Variants in REDIC1 observed in about 807,000 individuals in gnomAD.
REDIC1 encodes the protein regulator of DNA class I crossover intermediates 1.
chr12:39,769,727 A>G, the REDIC1 span, among the ~76,000 whole-genome samples: 1 of 151,866 alleles, frequency 6.6e-6, no homozygotes, highest in Non-Finnish European at 1.5e-5. Context: ...TCTGTCTACA[A>G]TACACAAGAT....
the REDIC1 span, among the ~76,000 whole-genome samples, chr12:39,896,001 T>C: frequency 1.5e-5 from 2 of 134,024 alleles, no homozygotes; most frequent in African/African-American, 2.9e-5. Flanking sequence ...TATATGTGTA[T>C]ATATACATGT....
chr12:39,692,422 C>G, the REDIC1 span, among the ~76,000 whole-genome samples: 1 of 151,976 alleles, frequency 6.6e-6, no homozygotes, highest in South Asian at 2.1e-4. Flanking sequence ...ATATCCTGCC[C>G]TCTAGAGGTA....
chr12:39,767,606 C>T, the REDIC1 span, among the ~76,000 whole-genome samples: 1 of 152,020 alleles, frequency 6.6e-6, no homozygotes, highest in Non-Finnish European at 1.5e-5. Flanking sequence ...CAACAGAAGG[C>T]AGTTTCATCT....
chr12:39,712,868 T>G, the REDIC1 span, among the ~76,000 whole-genome samples: 2 of 146,270 alleles, frequency 1.4e-5, no homozygotes, highest in Admixed American at 6.8e-5. Flanking sequence ...TATATACACG[T>G]ATATACACGT....
At chr12:39,891,029 G>T in the REDIC1 span, among the ~76,000 whole-genome samples, 1 of 151,706 alleles carries the variant, frequency 6.6e-6, no homozygotes, top group Non-Finnish European at 1.5e-5. Flanking sequence ...TTTAAACAAT[G>T]AATCTTATAT....
At chr12:39,657,252 T>C in the REDIC1 span, among the ~76,000 whole-genome samples, 1 of 152,208 alleles carries the variant, frequency 6.6e-6, no homozygotes, top group Admixed American at 6.5e-5. Flanking sequence ...TTGCCTACAA[T>C]ATTGTGCTAT....
the REDIC1 span, among the ~76,000 whole-genome samples, chr12:39,712,852 CAT>C: frequency 1.3e-4 from 11 of 81,582 alleles, no homozygotes; most frequent in Admixed American, 4.2e-4. Context: ...CGTATATACA[CAT>C]ATGTATATAC....
At chr12:39,896,901 A>G in the REDIC1 span, among the ~76,000 whole-genome samples, 1 of 152,116 alleles carries the variant, frequency 6.6e-6, no homozygotes, top group Non-Finnish European at 1.5e-5. Context: ...TCCTTTTCCC[A>G]TTTAGTGGAA....
the REDIC1 span, among the ~76,000 whole-genome samples, chr12:39,663,539 A>T: frequency 6.6e-6 from 1 of 151,960 alleles, no homozygotes; most frequent in Non-Finnish European, 1.5e-5. Context: ...CATGCAGTGG[A>T]TCCATATCTT....
At chr12:39,788,045 C>T in the REDIC1 span, among the ~76,000 whole-genome samples, 3 of 152,040 alleles carry the variant, frequency 2.0e-5, no homozygotes, top group Non-Finnish European at 2.9e-5. Context: ...ATAATACAAA[C>T]AATATTCTAT....
chr12:39,642,923 G>C, the REDIC1 span, among the ~76,000 whole-genome samples: 1 of 151,668 alleles, frequency 6.6e-6, no homozygotes, highest in South Asian at 2.1e-4. Flanking sequence ...TAATGTGAAA[G>C]AGCCTCAACT....
chr12:39,665,719 T>C, the REDIC1 span, among the ~76,000 whole-genome samples: 257 of 140,644 alleles, frequency 1.8e-3, no homozygotes, highest in South Asian at 4.6e-3. Flanking sequence ...GGAATGTTCT[T>C]CCATTTGTTT....
chr12:39,685,645 C>T, the REDIC1 span, among the ~76,000 whole-genome samples: 3 of 152,218 alleles, frequency 2.0e-5, no homozygotes, highest in Non-Finnish European at 2.9e-5. Flanking sequence ...CCCCAGCCCC[C>T]CAAATCTCAT....
At chr12:39,711,668 CAT>C in the REDIC1 span, among the ~76,000 whole-genome samples, 25 of 135,992 alleles carry the variant, frequency 1.8e-4, 3 homozygotes, top group African/African-American at 4.9e-4. Flanking sequence ...TGTCTATACA[CAT>C]GTATGTGTGT....
At chr12:39,636,149 C>T in the REDIC1 span, among the ~76,000 whole-genome samples, 5 of 151,928 alleles carry the variant, frequency 3.3e-5, no homozygotes, top group African/African-American at 4.8e-5. Flanking sequence ...CTGTGTGACT[C>T]GGGAAATGGC....
chr12:39,650,190 T>C, the REDIC1 span: 2 of 1,458,916 alleles, frequency 1.4e-6, no homozygotes, highest in East Asian at 2.5e-5. The surrounding 1 kb of genome is among the most constrained non-coding windows in gnomAD (Gnocchi z 4.3). Context: ...TTAAATTGTA[T>C]ATATGTACAT....
the REDIC1 span, chr12:39,646,495 T>C: frequency 1.3e-6 from 2 of 1,521,534 alleles, no homozygotes; most frequent in East Asian, 5.1e-5. Context: ...TTATTAGGTG[T>C]TTAAACTGGT....
At chr12:39,650,330 G>C in the REDIC1 span, 3 of 1,610,376 alleles carry the variant, frequency 1.9e-6, no homozygotes, top group Non-Finnish European at 8.5e-7. The surrounding 1 kb of genome is among the most constrained non-coding windows in gnomAD (Gnocchi z 4.3). Flanking sequence ...ACACGATTTG[G>C]GACATTATTT....
chr12:39,695,690 G>A, the REDIC1 span, among the ~76,000 whole-genome samples: 1 of 152,186 alleles, frequency 6.6e-6, no homozygotes, highest in Non-Finnish European at 1.5e-5. Context: ...ACACCCTGAA[G>A]GGAAGGACAC....
Sources: gnomAD v4.1 joint callset for allele counts (sites outside exome capture counted in the v4.1 genomes callset) on GRCh38, gnomAD v4.1.1 for gene constraint, Gnocchi (gnomAD v3.1) non-coding constraint, MANE v1.5 for transcripts, NCBI Gene and HGNC (gene_info 2026-07-23, HGNC 2026-07-21) for gene names.